The following ASIC2 variants were observed in gnomAD, a reference collection of about 807,000 sequenced individuals.
The protein encoded by ASIC2 is acid-sensing ion channel 2.
In ASIC2, 25 loss-of-function variants were observed where a neutral mutation model predicts 57.3. The ratio of observed to expected loss-of-function variants is 0.44; its 90% CI spans 0.32 to 0.61. ASIC2 has a LOEUF of 0.61. Among genes scored for constraint, ASIC2 ranks in the 20% least tolerant of loss-of-function variants. The pLI, the probability that ASIC2 is intolerant of heterozygous loss-of-function variation, is 0.06. For missense variants in ASIC2, 641 were observed against 738.1 expected, an observed-to-expected ratio of 0.87 and a Z score of 1.52; for synonymous variants, 319 against 307.5, an observed-to-expected ratio of 1.04 and a Z score of -0.39.
chr17:33,720,005 T>G (rs1019402249), intron 1 of ASIC2, among the ~76,000 whole-genome samples: 2 of 152,184 alleles, frequency 1.3e-5, no homozygotes, highest in Non-Finnish European at 2.9e-5. Flanking sequence ...CCTCAGCCCC[T>G]GAGTATCGGG....
intron 1 of ASIC2, chr17:33,581,435 C>G (rs1597796025): frequency 6.6e-6 from 1 of 152,290 alleles, no homozygotes; most frequent in African/African-American, 2.4e-5. Context: ...AGAGCCCACC[C>G]AAGGCTGTTA....
At chr17:33,099,424 T>C (rs1198220577) in intron 2 of ASIC2, among the ~76,000 whole-genome samples, 1 of 152,220 alleles carries the variant, frequency 6.6e-6, no homozygotes, top group South Asian at 2.1e-4. Context: ...AAGCACCTTA[T>C]ACACTGTGGG....
intron 1 of ASIC2, among the ~76,000 whole-genome samples, chr17:33,768,636 A>T (rs1221504355): frequency 6.6e-6 from 1 of 152,194 alleles, no homozygotes; most frequent in Non-Finnish European, 1.5e-5. Flanking sequence ...CTTCAGGCCA[A>T]AAACAGCCTG....
intron 1 of ASIC2, among the ~76,000 whole-genome samples, chr17:33,237,464 C>A (rs530777455): frequency 6.6e-6 from 1 of 152,100 alleles, no homozygotes; most frequent in Non-Finnish European, 1.5e-5. Context: ...GATTCTCCTG[C>A]CTCAGCTTCC....
intron 1 of ASIC2, among the ~76,000 whole-genome samples, chr17:33,364,680 A>G (rs1908738297): frequency 6.6e-6 from 1 of 152,140 alleles, no homozygotes; most frequent in Non-Finnish European, 1.5e-5. Context: ...CTCCCCAGCC[A>G]TGCTTCCAGT....
intron 1 of ASIC2, among the ~76,000 whole-genome samples, chr17:33,964,173 G>A (rs1355658593): frequency 2.0e-5 from 3 of 152,308 alleles, no homozygotes; most frequent in East Asian, 1.9e-4. Flanking sequence ...TGGCATGAAC[G>A]TGTTAGATGA....
intron 1 of ASIC2, among the ~76,000 whole-genome samples, chr17:33,911,495 A>T: frequency 6.6e-6 from 1 of 152,226 alleles, no homozygotes; most frequent in Non-Finnish European, 1.5e-5. Context: ...AGACTGAAGT[A>T]GGCAGGGGAA....
rs554720267 is a variant in ASIC2 at position 33,860,957 on chromosome 17, C to A, written c.555+295021G>T. ...CCTTGGTCACTGAGGATCTAGCACC[C>A]ACACTGTGTACTAAAGTGGGAGTAA... On this transcript the variant is annotated intron_variant, in intron 1 of 9. Transcript: ENST00000359872. Among the ~76,000 whole-genome samples the A allele has an allele frequency of 5.3e-5, 8 of 152,292 alleles. No homozygotes were observed. In the South Asian group the frequency reaches 1.0e-3, roughly 20 times the overall value.
chr17:33,662,059 T>C (rs115764934), intron 1 of ASIC2, among the ~76,000 whole-genome samples: 2,420 of 152,294 alleles, frequency 0.016, 60 homozygotes, highest in African/African-American at 0.054. Context: ...CTATGCATTA[T>C]GTCAGAGCAA....
intron 1 of ASIC2, among the ~76,000 whole-genome samples, chr17:33,913,339 C>G (rs1915509711): frequency 6.6e-6 from 1 of 151,930 alleles, no homozygotes; most frequent in South Asian, 2.1e-4. Flanking sequence ...GCAAAATGGC[C>G]TAATAGTGAA....
intron 1 of ASIC2, among the ~76,000 whole-genome samples, chr17:34,111,441 A>G (rs1232932269): frequency 2.0e-5 from 3 of 151,884 alleles, no homozygotes; most frequent in Non-Finnish European, 4.4e-5. Flanking sequence ...TTTTGAAAAG[A>G]TATGTTACAG....
intron 1 of ASIC2, among the ~76,000 whole-genome samples, chr17:33,718,427 G>C (rs915204538): frequency 1.3e-5 from 2 of 151,970 alleles, no homozygotes; most frequent in African/African-American, 4.8e-5. Context: ...GAACTCAAGA[G>C]AGGCGATGGC....
intron 1 of ASIC2, among the ~76,000 whole-genome samples, chr17:33,348,415 C>A (rs1007189048): frequency 2.0e-5 from 3 of 152,072 alleles, no homozygotes; most frequent in Admixed American, 1.3e-4. Flanking sequence ...CTCTTTAACC[C>A]TAGATTACAG....
chr17:33,911,241 G>A (rs1200864473), intron 1 of ASIC2, among the ~76,000 whole-genome samples: 1 of 152,138 alleles, frequency 6.6e-6, no homozygotes, highest in Admixed American at 6.5e-5. Context: ...ATCTACAAAT[G>A]AGCGTATCAG....
At chr17:33,191,783 G>C (rs1906429987) in intron 1 of ASIC2, among the ~76,000 whole-genome samples, 1 of 152,134 alleles carries the variant, frequency 6.6e-6, no homozygotes, top group African/African-American at 2.4e-5. Context: ...TGGTAGGAAG[G>C]AGAGACAGAC....
intron 1 of ASIC2, among the ~76,000 whole-genome samples, chr17:34,150,149 T>C (rs1904462207): frequency 6.6e-6 from 1 of 152,136 alleles, no homozygotes; most frequent in African/African-American, 2.4e-5. Flanking sequence ...GAAAGACAAA[T>C]ACTGCATGAT....
At chr17:33,316,609 C>G (rs997677560) in intron 1 of ASIC2, among the ~76,000 whole-genome samples, 3 of 152,108 alleles carry the variant, frequency 2.0e-5, no homozygotes, top group Non-Finnish European at 4.4e-5. Context: ...TTAAGAAAGC[C>G]TTTTCTTCCA....
chr17:33,960,982 G>A (rs1476671363), intron 1 of ASIC2, among the ~76,000 whole-genome samples: 5 of 152,148 alleles, frequency 3.3e-5, no homozygotes, highest in Admixed American at 3.3e-4. Flanking sequence ...AAATAATGCA[G>A]GCAACCCTAA....
intron 1 of ASIC2, among the ~76,000 whole-genome samples, chr17:34,029,728 A>T (rs939161945): frequency 3.9e-5 from 6 of 152,254 alleles, no homozygotes; most frequent in Non-Finnish European, 5.9e-5. Context: ...TCTGCAAGTC[A>T]GGAAGAGAGC....
Sources: gnomAD v4.1 joint callset for allele counts (sites outside exome capture counted in the v4.1 genomes callset) on GRCh38, gnomAD v4.1.1 for gene constraint, MANE v1.5 for transcripts, NCBI Gene and HGNC (gene_info 2026-07-23, HGNC 2026-07-21) for gene names.